The following DSCAM variants were observed in gnomAD, a reference collection of about 807,000 sequenced individuals.
DSCAM encodes cell adhesion molecule DSCAM.
A neutral mutation model predicts 217.7 loss-of-function variants in DSCAM; 47 were observed. The observed-to-expected ratio is 0.22, with a 90% CI of 0.17 to 0.28. The LOEUF (loss-of-function observed/expected upper bound fraction) is 0.28. Among genes scored for constraint, DSCAM ranks in the 10% least tolerant of loss-of-function variants. The probability of loss-of-function intolerance (pLI) is 1.00; values close to 1 mark genes in which losing one functional copy is unlikely to be tolerated. For synonymous variants in DSCAM, 1,056 were observed against 1,015.3 expected, an observed-to-expected ratio of 1.04 and a Z score of -0.76; for missense variants, 2,080 against 2,618.3, an observed-to-expected ratio of 0.79 and a Z score of 4.49.
intron 3 of DSCAM, among the ~76,000 whole-genome samples, chr21:40,392,377 A>T (rs1049235647): frequency 7.2e-5 from 11 of 152,184 alleles, no homozygotes; most frequent in African/African-American, 2.7e-4. Context: ...TCAGAGGTTC[A>T]TCTATAGGCC....
chr21:40,824,874 A>C (rs2123612146), intron 1 of DSCAM, among the ~76,000 whole-genome samples: 1 of 152,270 alleles, frequency 6.6e-6, no homozygotes, highest in South Asian at 2.1e-4. Context: ...ACACAACCTT[A>C]AAAGTAAAGT....
At chr21:40,357,672 G>A (rs897126184) in intron 4 of DSCAM, among the ~76,000 whole-genome samples, 4 of 151,962 alleles carry the variant, frequency 2.6e-5, no homozygotes, top group African/African-American at 9.7e-5. Context: ...TGTGAGAATT[G>A]GACACAGGAA....
intron 1 of DSCAM, among the ~76,000 whole-genome samples, chr21:40,723,806 TA>T (rs1246393871): frequency 2.0e-5 from 3 of 152,220 alleles, no homozygotes; most frequent in Non-Finnish European, 4.4e-5. Context: ...TCTGAGGTGC[TA>T]TAAGAACACA....
chr21:40,640,222 A>G (rs1423077558), intron 3 of DSCAM, among the ~76,000 whole-genome samples: 2 of 152,140 alleles, frequency 1.3e-5, no homozygotes, highest in African/African-American at 4.8e-5. Context: ...TTGAGGGGAG[A>G]CCTGGAGACA....
chr21:40,312,772 T>C (rs1363902519), intron 8 of DSCAM, among the ~76,000 whole-genome samples: 1 of 152,184 alleles, frequency 6.6e-6, no homozygotes, highest in Admixed American at 6.5e-5. Context: ...TTCTAATTGT[T>C]TCCTGCCTTG....
intron 3 of DSCAM, among the ~76,000 whole-genome samples, chr21:40,641,346 A>G (rs891349157): frequency 6.6e-6 from 1 of 152,162 alleles, no homozygotes; most frequent in Admixed American, 6.5e-5. Flanking sequence ...GAAAACAGAC[A>G]TGAGCTGGTT....
chr21:40,074,112 T>G (rs776720288), intron 27 of DSCAM, among the ~76,000 whole-genome samples: 1 of 152,190 alleles, frequency 6.6e-6, no homozygotes, highest in Non-Finnish European at 1.5e-5. Context: ...AAATTAAGTA[T>G]TTACAGAAGA....
At chr21:40,569,613 A>C (rs1256361281) in intron 3 of DSCAM, among the ~76,000 whole-genome samples, 1 of 152,198 alleles carries the variant, frequency 6.6e-6, no homozygotes, top group Non-Finnish European at 1.5e-5. Context: ...GCCAATTCCT[A>C]AAAACACTTC....
rs1322027911 is a variant in DSCAM at position 40,187,223 on chromosome 21, A to G, written c.2687T>C (p.Val896Ala). ...CCTGAGCGTAATTGTGCGTGCTTTG[A>G]CATCTTTGATCTCAATTTCGGGAGG... Reference protein sequence around the residue: ...PDPPEIEIKDVKARTITLRWT... With the variant: ...PDPPEIEIKDAKARTITLRWT... The change falls in exon 14 of 33, where the codon GTC (valine) becomes GCC (alanine). Residue 896 changes from valine (V) to alanine (A), a missense_variant. By Grantham distance (64) the Val-to-Ala change is moderately conservative. This residue lies in a region of DSCAM where 1,144 missense variants were observed against 1,421.1 expected (regional missense o/e 0.81). Coordinates refer to ENST00000400454, the MANE Select transcript of DSCAM (RefSeq NM_001389.5). 4.3e-6 allele frequency: 7 copies of G among 1,613,914 alleles called. No individual in the cohort carries two copies. Among genetic ancestry groups the G allele is most frequent in the Non-Finnish European group, 5.9e-6 (7 of 1,179,970 alleles).
chr21:40,021,603 C>T (rs2088274182), intron 32 of DSCAM, among the ~76,000 whole-genome samples: 1 of 152,184 alleles, frequency 6.6e-6, no homozygotes, highest in Non-Finnish European at 1.5e-5. Flanking sequence ...GACGCTTTAC[C>T]CATTATTGCA....
At chr21:40,049,818 T>G (rs1341533586) in intron 30 of DSCAM, among the ~76,000 whole-genome samples, 6 of 152,164 alleles carry the variant, frequency 3.9e-5, no homozygotes, top group Non-Finnish European at 7.4e-5. Context: ...ATGTCTCTGT[T>G]GATATTTTAC....
At chr21:40,210,588 A>G (rs1263386381) in intron 11 of DSCAM, among the ~76,000 whole-genome samples, 1 of 152,242 alleles carries the variant, frequency 6.6e-6, no homozygotes, top group Non-Finnish European at 1.5e-5. Flanking sequence ...TCTGTCACCC[A>G]GGCTAGAGTG....
In DSCAM at chr21:40,745,175, A is replaced by G. The variant is rs371108525; in HGVS notation, c.44-36404T>C. The stretch of plus-strand genomic sequence containing the variant: ...AGAATTATGAGATACTATCAGGCAA[A>G]CTAACCTCTATATAATAGTAGTTCC... On this transcript the variant is annotated intron_variant, in intron 1 of 32. Transcript: ENST00000400454. 2.6e-4 allele frequency among the ~76,000 whole-genome samples: 39 copies of G among 152,280 alleles called. No homozygotes were observed. In the South Asian group the frequency reaches 8.1e-3, roughly 32 times the overall value.
intron 1 of DSCAM, among the ~76,000 whole-genome samples, chr21:40,837,548 G>A (rs535811556): frequency 3.9e-5 from 6 of 152,298 alleles, no homozygotes; most frequent in African/African-American, 9.6e-5. Flanking sequence ...AGACACATCT[G>A]GTAATTAACC....
chr21:40,267,282 TAGA>T, intron 11 of DSCAM, among the ~76,000 whole-genome samples: 1 of 151,920 alleles, frequency 6.6e-6, no homozygotes, highest in Middle Eastern at 3.4e-3. Context: ...TTTTTATAAG[TAGA>T]AGGAGTAGTC....
intron 6 of DSCAM, among the ~76,000 whole-genome samples, chr21:40,344,866 G>A (rs755880753): frequency 2.0e-5 from 3 of 152,024 alleles, no homozygotes; most frequent in South Asian, 2.1e-4. Flanking sequence ...TCTGCATTCC[G>A]TATCTCCTAT....
chr21:40,013,934 G>A (rs909341460), intron 32 of DSCAM, among the ~76,000 whole-genome samples: 1 of 152,212 alleles, frequency 6.6e-6, no homozygotes, highest in East Asian at 1.9e-4. Flanking sequence ...CTTCTTACCA[G>A]GCCCTGCCTA....
chr21:40,713,638 T>G (rs2090807472), intron 1 of DSCAM, among the ~76,000 whole-genome samples: 1 of 152,170 alleles, frequency 6.6e-6, no homozygotes, highest in Non-Finnish European at 1.5e-5. Flanking sequence ...GAAAGAAAAC[T>G]TCATTAGGAA....
chr21:40,500,384 C>A (rs970349798), intron 3 of DSCAM, among the ~76,000 whole-genome samples: 1 of 152,100 alleles, frequency 6.6e-6, no homozygotes, highest in African/African-American at 2.4e-5. Flanking sequence ...CTGATTAAGA[C>A]TCCTGCTTCT....
Sources: allele counts gnomAD v4.1 joint callset (sites outside exome capture counted in the v4.1 genomes callset), GRCh38; gene constraint gnomAD v4.1.1; regional missense constraint gnomAD v4.1.1; transcripts MANE v1.5; gene names NCBI Gene and HGNC (gene_info 2026-07-23, HGNC 2026-07-21).